CENPC: variants seen among roughly 807,000 people sequenced by gnomAD.
CENPC encodes centromere protein C.
Under a neutral mutation model 112.1 loss-of-function variants are expected in CENPC, and 63 were observed. That is an observed-to-expected ratio of 0.56 (90% confidence interval 0.46 to 0.69). The LOEUF (loss-of-function observed/expected upper bound fraction) is 0.69. Ranked by LOEUF, CENPC falls within the 30% of genes least tolerant of loss-of-function variation. The probability of loss-of-function intolerance (pLI) is 0.00; values close to 1 mark genes in which losing one functional copy is unlikely to be tolerated. For missense variants in CENPC, 1,000 were observed against 1,103.8 expected, an observed-to-expected ratio of 0.91 and a Z score of 1.33; for synonymous variants, 333 against 367.6, an observed-to-expected ratio of 0.91 and a Z score of 1.08.
rs772856469 is a variant in CENPC, at chr4:67,518,231, T to C, written c.755A>G (p.Tyr252Cys). The C allele has an allele frequency of 6.4e-7, 1 of 1,559,310 alleles. No homozygotes were observed. The highest frequency in any genetic ancestry group is 8.7e-7 in the Non-Finnish European group (1 of 1,152,622). Residue 252 changes from tyrosine to cysteine, a missense_variant, in exon 7 of 19, where the codon TAT becomes TGT. Transcript: ENST00000273853. ...SSQNRIRDSE[Y>C]EIQRQAKKSF... Reference sequence around the variant, plus strand: ...TTTTTTAGCTTGTCGTTGAATTTCATATTCTGAATCTCGTATTCTATTCTG... The same window carrying C: ...TTTTTTAGCTTGTCGTTGAATTTCACATTCTGAATCTCGTATTCTATTCTG...
intron 16 of CENPC, among the ~76,000 whole-genome samples, chr4:67,491,142 CCTTT>C (rs1237505834): frequency 1.3e-5 from 2 of 149,888 alleles, no homozygotes; most frequent in African/African-American, 4.9e-5. Flanking sequence ...ATTATTACTA[CCTTT>C]CTTTTTTTAG....
At chr4:67,475,729 G>C (rs1724785980) in intron 17 of CENPC, among the ~76,000 whole-genome samples, 1 of 152,192 alleles carries the variant, frequency 6.6e-6, no homozygotes, top group Non-Finnish European at 1.5e-5. Flanking sequence ...CTCCTGAGTA[G>C]CTGGGACTAC....
At chr4:67,475,003 C>T (rs1345911330) in intron 17 of CENPC, 25 bp from the exon 18 acceptor site, 1 of 1,245,362 alleles carries the variant, frequency 8.0e-7, no homozygotes, top group Non-Finnish European at 1.1e-6. Flanking sequence ...ATAAAAATCT[C>T]ATTCAAAACT....
chr4:67,521,483 ATAC>A (rs1726228464), intron 5 of CENPC, among the ~76,000 whole-genome samples: 2 of 152,194 alleles, frequency 1.3e-5, no homozygotes, highest in Non-Finnish European at 2.9e-5. Context: ...CTACAATGAG[ATAC>A]TACATCACAC....
chr4:67,495,240 A>G, intron 12 of CENPC, 28 bp from the exon 13 acceptor site: 1 of 1,476,558 alleles, frequency 6.8e-7, no homozygotes, highest in South Asian at 1.3e-5. Context: ...TAATATCATA[A>G]GAAATGACTG....
chr4:67,491,480 T>TATATAGAGAG (rs1725270093), intron 16 of CENPC, among the ~76,000 whole-genome samples: 4 of 18,102 alleles, frequency 2.2e-4, no homozygotes, highest in Non-Finnish European at 4.2e-4. Flanking sequence ...TATATATATA[T>TATATAGAGAG]AGAGAGAGAG....
chr4:67,492,332 C>A, intron 15 of CENPC, 57 bp from the exon 16 acceptor site: 1 of 1,158,766 alleles, frequency 8.6e-7, no homozygotes, highest in Non-Finnish European at 1.2e-6. Flanking sequence ...TTCTCAATCC[C>A]AAAAAGTTCA....
In CENPC at chr4:67,506,877, T is replaced by A; in HGVS notation, c.1962A>T (p.Leu654=). 1 of 1,612,572 alleles carries A rather than the reference T, an allele frequency of 6.2e-7. No homozygotes were observed. The change falls in exon 11 of 19, where the codon CTA becomes CTT. Residue 654 remains leucine, a synonymous_variant. Coordinates refer to ENST00000273853, the MANE Select transcript of CENPC (RefSeq NM_001812.4). The stretch of plus-strand genomic sequence containing the variant: ...ATGTATATCCACTGGTCTGAGGCTT[T>A]AGGGGAACATTCTGTGCAGTCATAA... ...DNIMTAQNVP[L]KPQTSGYTCN...
chr4:67,518,220 G>A lies in CENPC; in HGVS notation c.766C>T (p.Arg256Ter), dbSNP rs1189505436. Residue 256 changes from arginine to a stop codon, truncating the protein, a stop_gained, in exon 7 of 19, where the codon CGA becomes TGA. Transcript: ENST00000273853. LOFTEE classifies it high-confidence loss of function. The part of the protein sequence containing the change: ...RIRDSEYEIQ[R>*]QAKKSFSTLF... ...GTTGAAAAACTTTTTTTAGCTTGTCGTTGAATTTCATATTCTGAATCTCGT... is the reference window on the plus strand; with the variant it reads ...GTTGAAAAACTTTTTTTAGCTTGTCATTGAATTTCATATTCTGAATCTCGT... 7.7e-6 allele frequency: 12 copies of A among 1,556,990 alleles called. No individual in the cohort carries two copies. The highest frequency in any genetic ancestry group is 1.4e-5 in the African/African-American group (1 of 73,796).
intron 4 of CENPC, among the ~76,000 whole-genome samples, chr4:67,535,588 A>T (rs891791890): frequency 6.6e-6 from 1 of 152,142 alleles, no homozygotes; most frequent in African/African-American, 2.4e-5. Flanking sequence ...GAAAAACCAA[A>T]ATTAAATCAA....
At position 67,506,953 on chromosome 4, in the gene CENPC, T is replaced by G. The variant is rs1725752321; in HGVS notation, c.1905-19A>C. 1 of 1,576,852 alleles carries G rather than the reference T, an allele frequency of 6.3e-7. No homozygotes were observed. Among genetic ancestry groups the G allele is most frequent in the Non-Finnish European group, 8.6e-7 (1 of 1,157,142 alleles). On this transcript the variant is annotated intron_variant, in intron 10 of 18. Transcript: ENST00000273853. ...TGTAGATCTATAAAAATGATAAATG[T>G]ATGAGTGTTTATACTTCTTCAAAAT...
intron 5 of CENPC, among the ~76,000 whole-genome samples, chr4:67,522,416 T>C (rs566550902): frequency 6.6e-6 from 1 of 152,156 alleles, no homozygotes; most frequent in Non-Finnish European, 1.5e-5. Context: ...TTTACACATA[T>C]TTGACACCTG....
chr4:67,525,724 G>A (rs1462315511), intron 5 of CENPC, among the ~76,000 whole-genome samples: 1 of 152,232 alleles, frequency 6.6e-6, no homozygotes, highest in Non-Finnish European at 1.5e-5. Context: ...CTGTTGGTAG[G>A]AGTGTAAATT....
At chr4:67,478,629 A>AACACACACACACAC (rs200741539) in intron 17 of CENPC, among the ~76,000 whole-genome samples, 5 of 81,888 alleles carry the variant, frequency 6.1e-5, no homozygotes, top group African/African-American at 1.9e-4. Context: ...GGGTCTATAA[A>AACACACACACACAC]ACACACACAC....
At chr4:67,530,349 A>G (rs1168797950) in intron 5 of CENPC, among the ~76,000 whole-genome samples, 1 of 152,190 alleles carries the variant, frequency 6.6e-6, no homozygotes, top group African/African-American at 2.4e-5. Context: ...GTACTCTTAC[A>G]CTATTGGTGT....
In CENPC at chr4:67,545,258, T is replaced by C. The variant is rs1411368625; in HGVS notation, c.18+80A>G. On this transcript the variant is annotated intron_variant, in intron 1 of 18. Transcript: ENST00000273853. ...CAGAGATCACAGCCTCAGCCTAGCA[T>C]TTCCTTCTCCCCAGCCTCGGGCGCC... 7 of 1,365,818 alleles carry C rather than the reference T, an allele frequency of 5.1e-6. No individual in the cohort carries two copies. The Admixed American group carries it at 1.8e-4, about 34-fold the overall frequency. The allele number at this position is 1,365,818 out of a possible 1,614,324, so 84.6% of individuals were successfully genotyped here.
intron 5 of CENPC, among the ~76,000 whole-genome samples, chr4:67,519,712 T>C (rs1456368357): frequency 6.6e-6 from 1 of 152,184 alleles, no homozygotes; most frequent in Non-Finnish European, 1.5e-5. Context: ...CTAGGGCAGC[T>C]AGATGATATA....
rs558795567 is a variant in CENPC at position 67,488,141 on chromosome 4, G to A, written c.2670+1826C>T. Among the ~76,000 whole-genome samples, 149 of 151,662 alleles carry A rather than the reference G, an allele frequency of 9.8e-4. No homozygotes were observed. The Middle Eastern group carries it at 0.017, about 17-fold the overall frequency. On this transcript the variant is annotated intron_variant, in intron 17 of 18. Transcript: ENST00000273853. ...TTTTTAAATTCTAGTTAGAAAAATA[G>A]ATACTATATACAAAGAACTTTTATC... is the stretch of plus-strand genomic sequence containing the variant.
rs1177801594 is a variant in CENPC, at chr4:67,506,770, C to T, written c.2051+18G>A. On this transcript the variant is annotated intron_variant, in intron 11 of 18. Transcript: ENST00000273853. ...GTAACTAATATATACAACTATTATC[C>T]TTACAATACACGCATACCTTTCCTC... The T allele has an allele frequency of 1.9e-6, 3 of 1,555,448 alleles. No individual in the cohort carries two copies. In the African/African-American group the frequency reaches 4.1e-5, roughly 21 times the overall value.
Sources: gnomAD v4.1 joint callset for allele counts (sites outside exome capture counted in the v4.1 genomes callset) on GRCh38, gnomAD v4.1.1 for gene constraint, MANE v1.5 for transcripts, NCBI Gene and HGNC (gene_info 2026-07-23, HGNC 2026-07-21) for gene names.